The following ACP7 variants were observed in gnomAD, a reference collection of about 807,000 sequenced individuals.
ACP7 encodes acid phosphatase 7, tartrate resistant (putative), also known as acid phosphatase type 7.
ACP7 carries 58 observed loss-of-function variants against 60.6 expected under a neutral mutation model. The observed-to-expected ratio is 0.96, with a 90% CI of 0.77 to 1.19. The LOEUF (loss-of-function observed/expected upper bound fraction) is 1.19. Ranked by LOEUF, ACP7 falls within the 50% of genes most tolerant of loss-of-function variation. ACP7 has a pLI of 0.00. For synonymous variants in ACP7, 237 were observed against 232.6 expected (o/e 1.02, Z -0.17); for missense variants, 574 against 596.2 (o/e 0.96, Z 0.39).
rs1209823319 is a variant in ACP7, at chr19:39,085,289, AC to A, written c.21del (p.Trp8GlyfsTer39). MHPLPG[Y>X]WSCYCLLLLF... The stretch of plus-strand genomic sequence containing the variant: ...ACCACCATGCACCCCCTTCCTGGCT[AC>A]TGGTCCTGTTACTGTCTACTCCTGC... On this transcript the variant is annotated frameshift_variant, in exon 2 of 13. Coordinates refer to ENST00000331256, the MANE Select transcript of ACP7 (RefSeq NM_001004318.3). LOFTEE classifies it high-confidence loss of function. 5 of 1,612,866 alleles carry A rather than the reference AC, an allele frequency of 3.1e-6. No homozygotes were observed. Among genetic ancestry groups the A allele is most frequent in the Non-Finnish European group, 4.2e-6 (5 of 1,179,508 alleles).
rs1190144666 is a variant in ACP7 at position 39,085,497 on chromosome 19, C to T, written c.121+107C>T. 16 of 1,410,776 alleles carry T rather than the reference C, an allele frequency of 1.1e-5. No homozygotes were observed. The Admixed American group carries it at 3.7e-4, about 33-fold the overall frequency. 87.4% of individuals were successfully genotyped at this position (1,410,776 alleles called of 1,614,324 possible). On this transcript the variant is annotated intron_variant, in intron 2 of 12. Coordinates refer to ENST00000331256, the MANE Select transcript of ACP7 (RefSeq NM_001004318.3). ...ACTGTGAGCCCCTAGGCGGGTGGCT[C>T]ATTCCTCCTGAGCCTCCATCATCCA...
intron 11 of ACP7, among the ~76,000 whole-genome samples, chr19:39,103,838 T>A (rs1383683739): frequency 6.6e-6 from 1 of 151,978 alleles, no homozygotes; most frequent in Non-Finnish European, 1.5e-5. Context: ...AAAACAAAAA[T>A]GTTTTTAATA....
intron 2 of ACP7, among the ~76,000 whole-genome samples, 173 bp from the exon 3 acceptor site, chr19:39,098,272 AAAAAAAAGAAAAG>A (rs1235601162): frequency 6.0e-5 from 9 of 150,422 alleles, no homozygotes; most frequent in Admixed American, 4.0e-4. Context: ...AAAAAAAAAA[AAAAAAAAGAAAAG>A]AAAAGAAAAG....
chr19:39,085,090 A>G lies in ACP7; in HGVS notation c.-178-2A>G. On this transcript the variant is annotated splice_acceptor_variant, in intron 1 of 12. Coordinates refer to ENST00000331256, the MANE Select transcript of ACP7 (RefSeq NM_001004318.3). LOFTEE classifies it low-confidence loss of function (5UTR_SPLICE). ...ATTCTTATTTTTGGTTTCTCTCTCCAGCACCTGGATAACCACCCATCTTGA... is the reference window on the plus strand; with the variant it reads ...ATTCTTATTTTTGGTTTCTCTCTCCGGCACCTGGATAACCACCCATCTTGA... The G allele has an allele frequency of 1.4e-6, 1 of 722,680 alleles. No individual in the cohort carries two copies. The highest frequency in any genetic ancestry group is 2.2e-6 in the Non-Finnish European group (1 of 459,746). The allele number at this position is 722,680 out of a possible 1,614,324, so 44.8% of individuals were successfully genotyped here.
At chr19:39,099,908 G>A (rs368765901) in intron 4 of ACP7, among the ~76,000 whole-genome samples, 4 of 148,220 alleles carry the variant, frequency 2.7e-5, no homozygotes, top group African/African-American at 7.5e-5. Flanking sequence ...CAGGAGAACC[G>A]CTTGAACCCA....
In ACP7 at chr19:39,101,047, T is replaced by C. The variant is rs1295361896; in HGVS notation, c.906T>C (p.His302=). 27 of 1,613,848 alleles carry C rather than the reference T, an allele frequency of 1.7e-5. No homozygotes were observed. Among genetic ancestry groups the C allele is most frequent in the African/African-American group, 2.7e-5 (2 of 74,902 alleles). The change falls in exon 8 of 13, where the codon CAT becomes CAC. Residue 302 remains histidine, a synonymous_variant. Coordinates refer to ENST00000331256, the MANE Select transcript of ACP7 (RefSeq NM_001004318.3). ...CAGATCTGGACGACTGCACACGACA[T>C]GAAAGCAAGGTGAGGTCCCTCCCTG... ...SNADLDDCTR[H]ESKVRKGLQG...
At chr19:39,084,862 G>T (rs1414875070) in intron 1 of ACP7, among the ~76,000 whole-genome samples, 5 of 152,040 alleles carry the variant, frequency 3.3e-5, no homozygotes, top group Admixed American at 6.6e-5. Context: ...AGGCCCTCCT[G>T]GGTTCAAATC....
intron 11 of ACP7, among the ~76,000 whole-genome samples, chr19:39,102,973 G>A (rs934806564): frequency 6.6e-6 from 1 of 151,862 alleles, no homozygotes; most frequent in African/African-American, 2.4e-5. Flanking sequence ...AAGTAGCTGG[G>A]ATTACAGGTG....
chr19:39,099,230 G>A, intron 4 of ACP7, 88 bp downstream of exon 4: 1 of 567,128 alleles, frequency 1.8e-6, no homozygotes, highest in Non-Finnish European at 2.3e-6. Context: ...CGCGCGGGTC[G>A]GGGGCGGTGC....
In ACP7 at chr19:39,100,564, A is replaced by G. The variant is rs373423380; in HGVS notation, c.630-16A>G. On this transcript the variant is annotated splice_polypyrimidine_tract_variant and intron_variant, in intron 5 of 12. Transcript: ENST00000331256. ...TCAGTCCTTCACCTCCATCCCTTGTACTTCCTTTATTCCAGCAACTTCTCT... is the reference window on the plus strand; with the variant it reads ...TCAGTCCTTCACCTCCATCCCTTGTGCTTCCTTTATTCCAGCAACTTCTCT... 8.7e-6 allele frequency: 14 copies of G among 1,613,014 alleles called. No homozygotes were observed. The African/African-American group carries it at 1.9e-4, about 22-fold the overall frequency.
intron 4 of ACP7, among the ~76,000 whole-genome samples, chr19:39,099,489 G>C (rs1302466318): frequency 6.6e-6 from 1 of 152,110 alleles, no homozygotes; most frequent in Non-Finnish European, 1.5e-5. Context: ...GGTGCACTTC[G>C]GTGTCCTTGT....
intron 2 of ACP7, among the ~76,000 whole-genome samples, chr19:39,093,067 C>T (rs926267624): frequency 6.6e-6 from 1 of 151,462 alleles, no homozygotes; most frequent in African/African-American, 2.4e-5. Flanking sequence ...CGTGAGCCAC[C>T]GCGCCTGGCC....
intron 2 of ACP7, 71 bp downstream of exon 2, chr19:39,085,461 A>G (rs1365374930): frequency 6.6e-7 from 1 of 1,520,496 alleles, no homozygotes; most frequent in East Asian, 2.3e-5. Flanking sequence ...TTGAGGGCTC[A>G]GGAATCCCAC....
chr19:39,085,387 C>T lies in ACP7; in HGVS notation c.118C>T (p.Pro40Ser). The change falls in exon 2 of 13, where the codon CCA becomes TCA. Residue 40 changes from proline to serine, a missense_variant. Pro to Ser is a moderately conservative substitution (Grantham distance 74). Coordinates refer to ENST00000331256, the MANE Select transcript of ACP7 (RefSeq NM_001004318.3). ...CCCAGAGCAAGTCCATCTGTCTTACCCAGGTAAGTGTCCCTGACTCATTTC... is the reference window on the plus strand; with the variant it reads ...CCCAGAGCAAGTCCATCTGTCTTACTCAGGTAAGTGTCCCTGACTCATTTC... ...AAPEQVHLSY[P>S]GEPGSMTVTW... The T allele has an allele frequency of 6.2e-7, 1 of 1,609,656 alleles. No homozygotes were observed. The highest frequency in any genetic ancestry group is 1.1e-5 in the South Asian group (1 of 90,406).
chr19:39,091,383 G>T (rs1236041185), intron 2 of ACP7, among the ~76,000 whole-genome samples: 2 of 151,546 alleles, frequency 1.3e-5, no homozygotes, highest in Non-Finnish European at 2.9e-5. Context: ...GGCTGGTCTC[G>T]AACTCCTGAC....
intron 2 of ACP7, among the ~76,000 whole-genome samples, chr19:39,089,950 C>T (rs1330718468): frequency 6.6e-6 from 1 of 152,122 alleles, no homozygotes; most frequent in Non-Finnish European, 1.5e-5. Context: ...AGTAATTATT[C>T]TTCCCTTTGT....
In ACP7 at chr19:39,106,934, C is replaced by T. The variant is rs774935817; in HGVS notation, c.1114-13C>T. On this transcript the variant is annotated splice_polypyrimidine_tract_variant and intron_variant, in intron 11 of 12. Transcript: ENST00000331256. ...CCACCTGCTCTGGGTCTGATCAGTT[C>T]TCCCCGCCCCAGGGCTGTGAGGAGC... 1 of 1,613,304 alleles carries T rather than the reference C, an allele frequency of 6.2e-7. No individual in the cohort carries two copies. Among genetic ancestry groups the T allele is most frequent in the Non-Finnish European group, 8.5e-7 (1 of 1,179,686 alleles).
intron 2 of ACP7, 49 bp from the exon 3 acceptor site, chr19:39,098,409 C>T (rs1194193549): frequency 7.9e-7 from 1 of 1,264,090 alleles, no homozygotes; most frequent in African/African-American, 1.5e-5. Flanking sequence ...ATCCCTCCCA[C>T]CCTGCCCAGG....
intron 2 of ACP7, among the ~76,000 whole-genome samples, chr19:39,086,534 G>A (rs1008528445): frequency 6.6e-6 from 1 of 151,050 alleles, no homozygotes; most frequent in Non-Finnish European, 1.5e-5. Context: ...GGGAGCTGAG[G>A]CAAGAGGATC....
Sources: allele counts gnomAD v4.1 joint callset (sites outside exome capture counted in the v4.1 genomes callset), GRCh38; gene constraint gnomAD v4.1.1; transcripts MANE v1.5; gene names NCBI Gene and HGNC (gene_info 2026-07-23, HGNC 2026-07-21).